The following MDFIC2 variants were observed in gnomAD, a reference collection of about 807,000 sequenced individuals.
MDFIC2 encodes myoD family inhibitor domain-containing protein 2.
At chr3:70,220,888 A>G (rs1183485901) in intron 2 of MDFIC2, among the ~76,000 whole-genome samples, 2 of 152,116 alleles carry the variant, frequency 1.3e-5, no homozygotes, top group Non-Finnish European at 2.9e-5. Flanking sequence ...AGGGAGGGGA[A>G]CCATGCCTTG....
chr3:70,262,986 C>A (rs1245355908), intron 2 of MDFIC2, among the ~76,000 whole-genome samples: 1 of 152,068 alleles, frequency 6.6e-6, no homozygotes, highest in East Asian at 1.9e-4. Flanking sequence ...TTAATACTAT[C>A]CAGGGAAATT....
At chr3:70,218,397 G>T (rs770861979) in intron 2 of MDFIC2, among the ~76,000 whole-genome samples, 1 of 152,066 alleles carries the variant, frequency 6.6e-6, no homozygotes, top group Non-Finnish European at 1.5e-5. Context: ...TACTAGTAAA[G>T]GTTTATAAGC....
At chr3:70,286,439 C>T (rs936901675) in intron 2 of MDFIC2, among the ~76,000 whole-genome samples, 24 of 151,704 alleles carry the variant, frequency 1.6e-4, no homozygotes, top group African/African-American at 5.6e-4. Flanking sequence ...GGTACCAGTA[C>T]CATGCTGTTT....
chr3:70,278,795 G>T (rs1702052983), intron 2 of MDFIC2, among the ~76,000 whole-genome samples: 1 of 152,004 alleles, frequency 6.6e-6, no homozygotes, highest in Admixed American at 6.6e-5. Context: ...AGTCACTTAT[G>T]TTTCCTATGC....
At chr3:70,200,708 A>G (rs967221801) in intron 3 of MDFIC2, among the ~76,000 whole-genome samples, 2 of 152,216 alleles carry the variant, frequency 1.3e-5, no homozygotes, top group African/African-American at 2.4e-5. Flanking sequence ...CAAGAAAGCC[A>G]TATCTCTCTC....
Position 70,237,979 on chromosome 3 carries a change from C to CTTTTTTTTTTTTTTTTTTTTTTTTT in MDFIC2, c.89-31214_89-31190dup, listed in dbSNP as rs71672662. ...GGAAAAGAAACTAATTGAGTGGTAT[C>CTTTTTTTTTTTTTTTTTTTTTTTTT]TTTTTTTTTTTTTTTTTTTTTTTTT... On this transcript the variant is annotated intron_variant, in intron 2 of 3. Transcript: ENST00000567252. 3.1e-4 allele frequency among the ~76,000 whole-genome samples: 15 copies of CTTTTTTTTTTTTTTTTTTTTTTTTT among 48,942 alleles called. 5 individuals are homozygous for CTTTTTTTTTTTTTTTTTTTTTTTTT. Among genetic ancestry groups the CTTTTTTTTTTTTTTTTTTTTTTTTT allele is most frequent in the African/African-American group, 1.1e-3 (10 of 9,426 alleles). The allele number at this position is 48,942 out of a possible 152,430, so 32.1% of individuals were successfully genotyped here. A position where few individuals can be genotyped will look rare whatever the true frequency, so the allele number is the denominator to read the frequency against.
At chr3:70,274,383 G>A (rs13065675) in intron 2 of MDFIC2, among the ~76,000 whole-genome samples, 9 of 150,806 alleles carry the variant, frequency 6.0e-5, no homozygotes, top group African/African-American at 1.5e-4. Flanking sequence ...TATAGAATGA[G>A]TATGTGATAG....
rs1162841465 is a variant in MDFIC2, at chr3:70,195,032, G to C, written c.*1894C>G. On this transcript the variant is annotated 3_prime_UTR_variant, in exon 4 of 4. Coordinates refer to ENST00000567252, the MANE Select transcript of MDFIC2 (RefSeq NM_001364677.1). ...CACCTGCACCACTGAGTACCAGCTG[G>C]ACTGAGAATTGGGTAGTGCAGGTAG... is the stretch of plus-strand genomic sequence containing the variant. Among the ~76,000 whole-genome samples the C allele has an allele frequency of 6.6e-6, 1 of 152,150 alleles. No individual in the cohort carries two copies. Among genetic ancestry groups the C allele is most frequent in the South Asian group, 2.1e-4 (1 of 4,824 alleles).
chr3:70,301,052 T>A (rs1267588133), intron 2 of MDFIC2, among the ~76,000 whole-genome samples: 2 of 152,104 alleles, frequency 1.3e-5, no homozygotes, highest in Non-Finnish European at 2.9e-5. Flanking sequence ...TTATAGTTTT[T>A]CCTCATTTAA....
chr3:70,281,777 T>G (rs1702086228), intron 2 of MDFIC2, among the ~76,000 whole-genome samples: 2 of 152,160 alleles, frequency 1.3e-5, no homozygotes, highest in African/African-American at 4.8e-5. Context: ...TTTCTCTGAT[T>G]CCAGCAGTTC....
chr3:70,300,356 T>C (rs770670287), intron 2 of MDFIC2, among the ~76,000 whole-genome samples: 1 of 152,148 alleles, frequency 6.6e-6, no homozygotes, highest in Non-Finnish European at 1.5e-5. Context: ...CAGACGTTTA[T>C]TATAGGCACA....
At chr3:70,307,058 C>A (rs548316458) in intron 2 of MDFIC2, among the ~76,000 whole-genome samples, 1 of 152,064 alleles carries the variant, frequency 6.6e-6, no homozygotes, top group South Asian at 2.1e-4. Context: ...TTATGGAAAA[C>A]CAGTTTTCAG....
chr3:70,293,488 C>G (rs1288546379), intron 2 of MDFIC2, among the ~76,000 whole-genome samples: 3 of 152,030 alleles, frequency 2.0e-5, no homozygotes, highest in Admixed American at 2.0e-4. Flanking sequence ...ACAGGCGATG[C>G]TGATCCTACT....
At chr3:70,278,022 C>T (rs956336654) in intron 2 of MDFIC2, among the ~76,000 whole-genome samples, 13 of 152,062 alleles carry the variant, frequency 8.5e-5, no homozygotes, top group African/African-American at 2.7e-4. Flanking sequence ...TTTTTACAAA[C>T]GTGTACACCT....
At position 70,194,962 on chromosome 3, in the gene MDFIC2, T is replaced by A. The variant is rs144637006; in HGVS notation, c.*1964A>T. ...ACTAGGAGGTGCAAGGAAACAACTG[T>A]TGATGAGTCAGTCTGGTAGTGTTTT... On this transcript the variant is annotated 3_prime_UTR_variant, in exon 4 of 4. Transcript: ENST00000567252. Among the ~76,000 whole-genome samples the A allele has an allele frequency of 9.5e-3, 1,451 of 152,200 alleles. 21 individuals carry two copies. Among genetic ancestry groups the A allele is most frequent in the Middle Eastern group, 0.024 (7 of 294 alleles).
chr3:70,292,147 G>C (rs958501537), intron 2 of MDFIC2: 1 of 152,150 alleles, frequency 6.6e-6, no homozygotes. Context: ...ATGGTAGTGT[G>C]GCACTGGACA....
At chr3:70,290,689 C>T (rs1317791025) in intron 2 of MDFIC2, among the ~76,000 whole-genome samples, 2 of 152,288 alleles carry the variant, frequency 1.3e-5, no homozygotes, top group East Asian at 1.9e-4. Flanking sequence ...TGATCTCAGA[C>T]TGCTGTGCTA....
At chr3:70,311,409 G>A (rs113366031) in intron 2 of MDFIC2, among the ~76,000 whole-genome samples, 21 of 152,148 alleles carry the variant, frequency 1.4e-4, no homozygotes, top group African/African-American at 3.6e-4. Context: ...TTACGCATGC[G>A]GAGCCCATGG....
chr3:70,292,420 CT>C (rs1387257230), intron 2 of MDFIC2, among the ~76,000 whole-genome samples: 1 of 152,030 alleles, frequency 6.6e-6, no homozygotes, highest in Non-Finnish European at 1.5e-5. Context: ...ATTATTGTCA[CT>C]TACTATTGTT....
Sources: allele counts gnomAD v4.1 joint callset (sites outside exome capture counted in the v4.1 genomes callset), GRCh38; gene constraint gnomAD v4.1.1; transcripts MANE v1.5; gene names NCBI Gene and HGNC (gene_info 2026-07-23, HGNC 2026-07-21).